NAV2: variants seen among roughly 807,000 people sequenced by gnomAD.
The protein encoded by NAV2 is neuron navigator 2.
NAV2 carries 54 observed loss-of-function variants against 223.2 expected under a neutral mutation model. The observed-to-expected ratio is 0.24, with a 90% CI of 0.19 to 0.30. The LOEUF is 0.30. Among genes scored for constraint, NAV2 ranks in the 10% least tolerant of loss-of-function variants. NAV2 has a pLI of 1.00. For missense variants in NAV2, 2,806 were observed against 3,147.5 expected (o/e 0.89, Z 2.60); for synonymous variants, 1,279 against 1,239.3 (o/e 1.03, Z -0.67).
At chr11:19,946,111 G>A (rs1694367776) in intron 8 of NAV2, among the ~76,000 whole-genome samples, 1 of 152,224 alleles carries the variant, frequency 6.6e-6, no homozygotes, top group South Asian at 2.1e-4. Context: ...TGGAGACACT[G>A]TGGAAATGTG....
intron 1 of NAV2, among the ~76,000 whole-genome samples, chr11:19,717,745 T>G (rs1278396816): frequency 6.6e-6 from 1 of 152,198 alleles, no homozygotes; most frequent in Non-Finnish European, 1.5e-5. Context: ...AAGGACCTGA[T>G]TCAGATTCAT....
intron 1 of NAV2, among the ~76,000 whole-genome samples, chr11:19,787,044 A>G (rs1395603795): frequency 6.6e-6 from 1 of 152,070 alleles, no homozygotes; most frequent in Non-Finnish European, 1.5e-5. Flanking sequence ...CAAAAGAAGA[A>G]GAAGAAGAAC....
rs201682458 is a variant in NAV2, at chr11:19,815,834, CA to C, written c.268-16646del. Among the ~76,000 whole-genome samples, 1,038 of 152,270 alleles carry C rather than the reference CA, an allele frequency of 6.8e-3. 21 individuals are homozygous for C. The highest frequency in any genetic ancestry group is 0.045 in the Admixed American group (688 of 15,296). ...TGAGGCTCAGATTGGATTGTATTTA[CA>C]AAAGAACTTTATAAATGGTAAGCAC... is the stretch of plus-strand genomic sequence containing the variant. On this transcript the variant is annotated intron_variant, in intron 1 of 37. Transcript: ENST00000349880.
At chr11:19,803,180 T>C (rs2058364794) in intron 1 of NAV2, among the ~76,000 whole-genome samples, 2 of 152,170 alleles carry the variant, frequency 1.3e-5, no homozygotes, top group Non-Finnish European at 2.9e-5. Flanking sequence ...GGCACCAAAA[T>C]ATTCCCAGGT....
At chr11:19,482,707 C>T (rs1474818004) in intron 1 of NAV2, among the ~76,000 whole-genome samples, 4 of 152,158 alleles carry the variant, frequency 2.6e-5, no homozygotes, top group Non-Finnish European at 5.9e-5. Context: ...GTCGGATGGG[C>T]AGTGGCATGG....
intron 3 of NAV2, among the ~76,000 whole-genome samples, chr11:19,862,632 C>T (rs1017764526): frequency 7.9e-5 from 12 of 152,128 alleles, no homozygotes; most frequent in Admixed American, 2.0e-4. Context: ...TTCTGAGGTC[C>T]GCTTCTAAAA....
At chr11:19,585,330 T>A (rs192390172) in intron 1 of NAV2, among the ~76,000 whole-genome samples, 1 of 152,334 alleles carries the variant, frequency 6.6e-6, no homozygotes, top group Admixed American at 6.5e-5. Flanking sequence ...TGACTCTTTA[T>A]CCAATTTGCC....
intron 1 of NAV2, among the ~76,000 whole-genome samples, chr11:19,663,901 C>A (rs148411909): frequency 6.6e-6 from 1 of 152,262 alleles, no homozygotes; most frequent in East Asian, 1.9e-4. Flanking sequence ...GGATGACAAC[C>A]GTGTAGCATG....
rs772500521 is a variant in NAV2, at chr11:20,036,001, C to T, written c.2811C>T (p.Thr937=). ...SSSVSSGISD[T]IDNLSTDDIN... ...CCGTCAGCAGCGGCATCAGCGACAC[C>T]ATAGACAACCTCAGCACTGATGACA... Residue 937 remains threonine, a synonymous_variant, in exon 12 of 38, where the codon ACC becomes ACT. Coordinates refer to ENST00000349880, the MANE Select transcript of NAV2 (RefSeq NM_145117.5). The T allele has an allele frequency of 5.6e-6, 9 of 1,614,174 alleles. No homozygotes were observed. The South Asian group carries it at 9.9e-5, about 18-fold the overall frequency.
At chr11:19,743,595 T>C (rs996189066) in intron 1 of NAV2, among the ~76,000 whole-genome samples, 1 of 152,220 alleles carries the variant, frequency 6.6e-6, no homozygotes, top group Non-Finnish European at 1.5e-5. Flanking sequence ...AGGACAACAT[T>C]CTGGGTCTCA....
intron 29 of NAV2, among the ~76,000 whole-genome samples, chr11:20,094,325 G>A (rs1217702790): frequency 6.9e-6 from 1 of 144,020 alleles, no homozygotes; most frequent in Non-Finnish European, 1.5e-5. Context: ...TGCCTCCCAG[G>A]TTCAAGCGAT....
chr11:19,881,438 T>C (rs2009506), intron 5 of NAV2, among the ~76,000 whole-genome samples: 149,206 of 152,192 alleles, frequency 0.98, 73,190 homozygotes, highest in Middle Eastern at 1. Flanking sequence ...ATGATCAGGG[T>C]GTCATTTCCC....
chr11:19,577,429 C>T (rs1469532556), intron 1 of NAV2, among the ~76,000 whole-genome samples: 1 of 152,244 alleles, frequency 6.6e-6, no homozygotes, highest in African/African-American at 2.4e-5. Context: ...GAAGATCTGC[C>T]ACGAGGGCGC....
chr11:19,815,850 AT>A (rs1289547233), intron 1 of NAV2, among the ~76,000 whole-genome samples: 10 of 152,196 alleles, frequency 6.6e-5, no homozygotes, highest in Non-Finnish European at 1.2e-4. Context: ...AACTTTATAA[AT>A]GGTAAGCACT....
chr11:19,769,019 C>A (rs1356578105), intron 1 of NAV2, among the ~76,000 whole-genome samples: 3 of 152,212 alleles, frequency 2.0e-5, no homozygotes, highest in East Asian at 3.8e-4. Context: ...CTTTGGACAG[C>A]TCATTCAACC....
At chr11:19,793,526 C>G (rs1445512967) in intron 1 of NAV2, among the ~76,000 whole-genome samples, 2 of 152,190 alleles carry the variant, frequency 1.3e-5, no homozygotes, top group Admixed American at 6.5e-5. Context: ...TTCTTCACTT[C>G]CTTCTGTCTC....
At chr11:19,899,647 A>G (rs544761315) in intron 6 of NAV2, among the ~76,000 whole-genome samples, 1 of 152,204 alleles carries the variant, frequency 6.6e-6, no homozygotes, top group African/African-American at 2.4e-5. Flanking sequence ...AATGATGCTC[A>G]CGTGTTCTAT....
At chr11:19,953,856 C>CGTGTGT (rs763234477) in intron 10 of NAV2, among the ~76,000 whole-genome samples, 1 of 127,046 alleles carries the variant, frequency 7.9e-6, no homozygotes, top group African/African-American at 3.4e-5. Context: ...TGCACGCGCG[C>CGTGTGT]GCGTGTGTGT....
chr11:19,552,612 A>G (rs2044726198), intron 1 of NAV2, among the ~76,000 whole-genome samples: 1 of 152,236 alleles, frequency 6.6e-6, no homozygotes, highest in Admixed American at 6.5e-5. Context: ...GAACAACATT[A>G]AGCGGAACCA....
Sources: gnomAD v4.1 joint callset for allele counts (sites outside exome capture counted in the v4.1 genomes callset) on GRCh38, gnomAD v4.1.1 for gene constraint, MANE v1.5 for transcripts, NCBI Gene and HGNC (gene_info 2026-07-23, HGNC 2026-07-21) for gene names.